MDGA1: variants seen among roughly 807,000 people sequenced by gnomAD.
MDGA1 encodes MAM domain containing glycosylphosphatidylinositol anchor 1, also known as MAM domain-containing glycosylphosphatidylinositol anchor protein 1.
A neutral mutation model predicts 101.5 loss-of-function variants in MDGA1; 54 were observed. That is an observed-to-expected ratio of 0.53 (90% CI 0.43 to 0.67). MDGA1 has a LOEUF of 0.67. Among genes scored for constraint, MDGA1 ranks in the 30% least tolerant of loss-of-function variants. The pLI, the probability that MDGA1 is intolerant of heterozygous loss-of-function variation, is 0.00. For missense variants in MDGA1, 1,083 were observed against 1,323.8 expected (o/e 0.82, Z 2.82); for synonymous variants, 533 against 558.3 (o/e 0.95, Z 0.64).
Position 37,635,550 on chromosome 6 carries a change from A to G in MDGA1, c.*1818T>C, listed in dbSNP as rs1472420670. ...CCGCTGCATCCTGGCCCGGCCACCCACCAGCTGTTGGTGATAATGATCACA... is the reference window on the plus strand; with the variant it reads ...CCGCTGCATCCTGGCCCGGCCACCCGCCAGCTGTTGGTGATAATGATCACA... On this transcript the variant is annotated 3_prime_UTR_variant, in exon 17 of 17. Coordinates refer to ENST00000434837, the MANE Select transcript of MDGA1 (RefSeq NM_153487.4). 5 of 398,554 alleles carry G rather than the reference A, an allele frequency of 1.3e-5. No homozygotes were observed. The highest frequency in any genetic ancestry group is 8.2e-5 in the African/African-American group (4 of 48,638). The allele number at this position is 398,554 out of a possible 1,614,324, so 24.7% of individuals were successfully genotyped here.
At chr6:37,648,796 T>C (rs1391754395) in intron 9 of MDGA1, among the ~76,000 whole-genome samples, 186 bp downstream of exon 9, 1 of 151,778 alleles carries the variant, frequency 6.6e-6, no homozygotes, top group Non-Finnish European at 1.5e-5. Context: ...GGGATCCGAG[T>C]GGCACGGGGC....
Position 37,649,149 on chromosome 6 carries a change from C to A in MDGA1, c.1727G>T (p.Arg576Leu). ...SPQRIASAVW[R>L]FKGQLLPPPP... is the part of the protein sequence containing the mutation. ...CGGCGGCAGCAGCTGCCCTTTGAAACGCCACACAGCCGAGGCGATGCGCTG... is the reference window on the plus strand; with the variant it reads ...CGGCGGCAGCAGCTGCCCTTTGAAAAGCCACACAGCCGAGGCGATGCGCTG... The change falls in exon 9 of 17, where the codon CGT becomes CTT. Residue 576 changes from arginine to leucine, a missense_variant. Arg to Leu is a moderately radical substitution (Grantham distance 102, BLOSUM62 -2). Transcript: ENST00000434837. 6.6e-7 allele frequency: 1 copy of A among 1,506,490 alleles called. No individual in the cohort carries two copies. Among genetic ancestry groups the A allele is most frequent in the Non-Finnish European group, 8.8e-7 (1 of 1,133,396 alleles). 93.3% of individuals were successfully genotyped at this position (1,506,490 alleles called of 1,614,324 possible).
intron 1 of MDGA1, among the ~76,000 whole-genome samples, chr6:37,681,632 C>T (rs1461581402): frequency 1.3e-5 from 2 of 152,238 alleles, no homozygotes; most frequent in African/African-American, 2.4e-5. Context: ...ATTACATGCA[C>T]AAAAAATACA....
chr6:37,674,732 C>G (rs1467488325), intron 1 of MDGA1, among the ~76,000 whole-genome samples: 2 of 152,130 alleles, frequency 1.3e-5, no homozygotes, highest in African/African-American at 4.8e-5. Flanking sequence ...GGGACTTTCT[C>G]CTGGTGGGTC....
intron 1 of MDGA1, among the ~76,000 whole-genome samples, chr6:37,665,649 C>A (rs1761732355): frequency 6.6e-6 from 1 of 152,228 alleles, no homozygotes; most frequent in African/African-American, 2.4e-5. Context: ...TTTGATCAGA[C>A]AAGAGACTGA....
Position 37,658,326 on chromosome 6 carries a change from T to C in MDGA1, c.301A>G (p.Thr101Ala), listed in dbSNP as rs760270151. 1.2e-5 allele frequency: 19 copies of C among 1,612,908 alleles called. No individual in the cohort carries two copies. Among genetic ancestry groups the C allele is most frequent in the Non-Finnish European group, 1.5e-5 (18 of 1,179,688 alleles). Residue 101 changes from threonine (T) to alanine (A), a missense_variant, in exon 3 of 17, where the codon ACG (threonine) becomes GCG (alanine). Physicochemically the swap from Thr to Ala is moderately conservative, Grantham distance 58. This residue lies in a region of MDGA1 where 310 missense variants were observed against 355.9 expected (regional missense o/e 0.87). Transcript: ENST00000434837. ...ETLRIERIAR[T>A]QGGRYYCKAE... ...TTGCAGTAGTAGCGGCCGCCCTGCG[T>C]GCGTGCAATACGCTCGATGCGCAGC...
intron 1 of MDGA1, among the ~76,000 whole-genome samples, chr6:37,688,928 C>T (rs901531716): frequency 2.6e-5 from 4 of 152,188 alleles, no homozygotes; most frequent in Non-Finnish European, 5.9e-5. Flanking sequence ...CAGCGCAATC[C>T]CTGGTCTAGC....
Position 37,637,400 on chromosome 6 carries a change from T to C in MDGA1, c.2836A>G (p.Met946Val), listed in dbSNP as rs1561837103. ...TGCAACGCCAAGAGGAAGATGGCCA[T>C]GGGCCCCCACAGCTGTGGGCTGGAC... ...CQSSPQLWGP[M>V]AIFLLALQR The change falls in exon 17 of 17, where the codon ATG becomes GTG. Residue 946 changes from methionine to valine, a missense_variant. By Grantham distance (21) the Met-to-Val change is conservative (BLOSUM62 1). Coordinates refer to ENST00000434837, the MANE Select transcript of MDGA1 (RefSeq NM_153487.4). 3 of 1,613,596 alleles carry C rather than the reference T, an allele frequency of 1.9e-6. No homozygotes were observed. The highest frequency in any genetic ancestry group is 3.3e-5 in the Admixed American group (2 of 60,018).
chr6:37,697,142 AGGCGCCGGGGACCTCTC>A lies in MDGA1; in HGVS notation c.-348_-332del, dbSNP rs1272454292. The A allele has an allele frequency of 1.2e-5, 3 of 240,596 alleles. No individual in the cohort carries two copies. The highest frequency in any genetic ancestry group is 2.4e-5 in the Non-Finnish European group (3 of 127,648). 14.9% of individuals were successfully genotyped at this position (240,596 alleles called of 1,614,324 possible). ...CCCAGGGCCGTCCGCGCGGGATGCT[AGGCGCCGGGGACCTCTC>A]GGCGGCGGAGGCGGCGCTTCGATCC... On this transcript the variant is annotated 5_prime_UTR_variant, in exon 1 of 17. Coordinates refer to ENST00000434837, the MANE Select transcript of MDGA1 (RefSeq NM_153487.4).
In MDGA1 at chr6:37,652,377, G is replaced by T; in HGVS notation, c.983-37C>A. On this transcript the variant is annotated intron_variant, in intron 6 of 16. Transcript: ENST00000434837. The surrounding 1 kb of genome is among the most constrained non-coding windows in gnomAD (Gnocchi z 4.3). ...TGGGGAGGGAAGGGTAGTTGGGGTT[G>T]GCCTGACTCCAGGGGTCCATGTCCC... 6.6e-7 allele frequency: 1 copy of T among 1,523,600 alleles called. No individual in the cohort carries two copies. Among genetic ancestry groups the T allele is most frequent in the Non-Finnish European group, 8.9e-7 (1 of 1,123,878 alleles). The allele number at this position is 1,523,600 out of a possible 1,614,324, so 94.4% of individuals were successfully genotyped here.
chr6:37,667,917 G>T (rs1468328307), intron 1 of MDGA1, among the ~76,000 whole-genome samples: 1 of 152,188 alleles, frequency 6.6e-6, no homozygotes, highest in Non-Finnish European at 1.5e-5. Context: ...CCCCACTGGA[G>T]ATGGGGCCAT....
intron 1 of MDGA1, among the ~76,000 whole-genome samples, chr6:37,695,446 A>AT (rs931240533): frequency 1.3e-5 from 2 of 152,178 alleles, no homozygotes; most frequent in Admixed American, 6.5e-5. Flanking sequence ...ACACAAACTA[A>AT]TTAAGAAGCA....
intron 1 of MDGA1, among the ~76,000 whole-genome samples, chr6:37,667,700 C>T (rs2114061349): frequency 6.6e-6 from 1 of 152,356 alleles, no homozygotes. Context: ...ATTTAACAGG[C>T]TCCAGTGGAA....
intron 12 of MDGA1, 118 bp from the exon 13 acceptor site, chr6:37,644,767 T>A (rs1405680240): frequency 6.2e-6 from 7 of 1,130,926 alleles, no homozygotes; most frequent in Non-Finnish European, 8.1e-6. Flanking sequence ...CACCCAGGAT[T>A]CCGGGCTTCA....
chr6:37,671,520 G>C (rs912694192), intron 1 of MDGA1, among the ~76,000 whole-genome samples: 1 of 152,194 alleles, frequency 6.6e-6, no homozygotes, highest in African/African-American at 2.4e-5. Context: ...GAGCACAGCC[G>C]AGGCAGAATG....
chr6:37,664,708 C>A (rs1294108955), intron 1 of MDGA1, among the ~76,000 whole-genome samples: 1 of 149,202 alleles, frequency 6.7e-6, no homozygotes, highest in Admixed American at 6.8e-5. Flanking sequence ...GCTTCCTGAG[C>A]CACATCTTTG....
intron 13 of MDGA1, 52 bp downstream of exon 13, chr6:37,644,445 A>T (rs1764175949): frequency 6.8e-7 from 1 of 1,471,724 alleles, no homozygotes; most frequent in Non-Finnish European, 9.0e-7. Flanking sequence ...CCCTGGGCCT[A>T]GACACCCCCC....
At chr6:37,668,690 T>C (rs1371893457) in intron 1 of MDGA1, among the ~76,000 whole-genome samples, 1 of 151,978 alleles carries the variant, frequency 6.6e-6, no homozygotes, top group African/African-American at 2.4e-5. Flanking sequence ...AGACAGAAAA[T>C]AAAAAGAATA....
chr6:37,652,973 A>G lies in MDGA1; in HGVS notation c.983-633T>C, dbSNP rs1365540169. Among the ~76,000 whole-genome samples the G allele has an allele frequency of 6.6e-6, 1 of 152,248 alleles. No individual in the cohort carries two copies. The highest frequency in any genetic ancestry group is 6.5e-5 in the Admixed American group (1 of 15,286). ...GTGTAATTTTTGTAATAAGAGACCA[A>G]TACGATCACTTTACATGCAATTACA... On this transcript the variant is annotated intron_variant, in intron 6 of 16. Transcript: ENST00000434837. The surrounding 1 kb of genome is among the most constrained non-coding windows in gnomAD (Gnocchi z 4.3).
Sources: allele counts gnomAD v4.1 joint callset (sites outside exome capture counted in the v4.1 genomes callset), GRCh38; gene constraint gnomAD v4.1.1; regional missense constraint gnomAD v4.1.1; non-coding constraint Gnocchi (gnomAD v3.1); transcripts MANE v1.5; gene names NCBI Gene and HGNC (gene_info 2026-07-23, HGNC 2026-07-21).